Variants in STK35 observed in about 807,000 individuals in gnomAD.
STK35 encodes serine/threonine-protein kinase 35.
Under a neutral mutation model 37.3 loss-of-function variants are expected in STK35, and 17 were observed. That is an observed-to-expected ratio of 0.46 (90% confidence interval 0.31 to 0.68). STK35 has a LOEUF of 0.68. STK35 is among the 30% of genes least tolerant of loss of function. The pLI, the probability that STK35 is intolerant of heterozygous loss-of-function variation, is 0.05. For missense variants in STK35, 595 were observed against 746.7 expected (o/e 0.80, Z 2.37); for synonymous variants, 385 against 319.1 (o/e 1.21, Z -2.20).
At position 2,117,791 on chromosome 20, in the gene STK35, C is replaced by T. The variant is rs1415226647; in HGVS notation, c.*37+376C>T. On this transcript the variant is annotated intron_variant, in intron 3 of 3. Transcript: ENST00000381482. This position sits in a 1 kb window ranked among gnomAD's most constrained non-coding sequence, Gnocchi z 4.4. ...CACTTCTTGGACCGGGTTCTTCATT[C>T]TGGACCCTGGCATGGGCCCTGTGAA... Among the ~76,000 whole-genome samples the T allele has an allele frequency of 6.6e-6, 1 of 152,162 alleles. No homozygotes were observed. The highest frequency in any genetic ancestry group is 1.5e-5 in the Non-Finnish European group (1 of 68,030).
intron 3 of STK35, among the ~76,000 whole-genome samples, chr20:2,137,559 A>G (rs1986107106): frequency 6.6e-6 from 1 of 151,998 alleles, no homozygotes; most frequent in Admixed American, 6.5e-5. Context: ...TCTTTTTCCT[A>G]ACATTTTGCC....
In STK35 at chr20:2,113,599, A is replaced by G. The variant is rs534582631; in HGVS notation, c.893-3067A>G. On this transcript the variant is annotated intron_variant, in intron 2 of 3. Coordinates refer to ENST00000381482, the MANE Select transcript of STK35 (RefSeq NM_080836.4). ...TGTGATGTCTTAGATGGAATAATAC[A>G]CTTTCATTCTAAGATCTAAATTTCA... 7.2e-5 allele frequency among the ~76,000 whole-genome samples: 11 copies of G among 152,320 alleles called. No homozygotes were observed. In the South Asian group the frequency reaches 2.1e-3, roughly 29 times the overall value.
rs1015990080 is a variant in STK35, at chr20:2,102,136, G to A, written c.255G>A (p.Gly85=). ...ACCATCCCCAGGCAGGGGCTCCAGG[G>A]GGGAAACGGGCCGCCCGGAAGTGGA... is the stretch of plus-strand genomic sequence containing the variant. ...GADHPQAGAP[G]GKRAARKWRC... is the part of the protein sequence containing the mutation. The change falls in exon 1 of 4, where the codon GGG becomes GGA. Residue 85 remains glycine, a synonymous_variant. Transcript: ENST00000381482. 2.1e-6 allele frequency: 3 copies of A among 1,397,836 alleles called. No individual in the cohort carries two copies. The highest frequency in any genetic ancestry group is 1.5e-5 in the African/African-American group (1 of 66,032). The allele number at this position is 1,397,836 out of a possible 1,614,324, so 86.6% of individuals were successfully genotyped here.
intron 3 of STK35, among the ~76,000 whole-genome samples, chr20:2,127,298 C>G (rs1169104177): frequency 2.6e-5 from 4 of 151,594 alleles, no homozygotes; most frequent in African/African-American, 9.7e-5. Context: ...TAAGACAAGC[C>G]CTCTCAGAAA....
intron 2 of STK35, among the ~76,000 whole-genome samples, chr20:2,110,467 A>T (rs1985596460): frequency 6.6e-6 from 1 of 152,172 alleles, no homozygotes; most frequent in South Asian, 2.1e-4. Flanking sequence ...ACTGTTACTC[A>T]TTCTCATTCT....
chr20:2,102,957 A>C lies in STK35; in HGVS notation c.484A>C (p.Thr162Pro). ...RRSPVPRAPS[T>P]KLRPAAAARA... ...AAGCCCAGTGCCGCGGGCGCCCAGC[A>C]CGAAGCTGAGGCCGGCGGCGGCGGC... Residue 162 changes from threonine (T) to proline (P), a missense_variant, in exon 2 of 4, where the codon ACG becomes CCG. Physicochemically the swap from Thr to Pro is conservative, Grantham distance 38 (BLOSUM62 -1). This residue lies in a region of STK35 where 389 missense variants were observed against 320.0 expected (regional missense o/e 1.22). Coordinates refer to ENST00000381482, the MANE Select transcript of STK35 (RefSeq NM_080836.4). 1 of 1,473,816 alleles carries C rather than the reference A, an allele frequency of 6.8e-7. No homozygotes were observed. The highest frequency in any genetic ancestry group is 8.9e-7 in the Non-Finnish European group (1 of 1,117,448). 91.3% of individuals were successfully genotyped at this position (1,473,816 alleles called of 1,614,324 possible). A position where few individuals can be genotyped will look rare whatever the true frequency, so the allele number is the denominator to read the frequency against.
chr20:2,129,070 G>T (rs993372391), intron 3 of STK35, among the ~76,000 whole-genome samples: 1 of 152,082 alleles, frequency 6.6e-6, no homozygotes, highest in Admixed American at 6.6e-5. Context: ...TGATCCACCC[G>T]CCTCGGCCTC....
In STK35 at chr20:2,102,902, A is replaced by G. The variant is rs1165995521; in HGVS notation, c.429A>G (p.Arg143=). Residue 143 remains arginine (R), a synonymous_variant, in exon 2 of 4, where the codon AGA becomes AGG. Transcript: ENST00000381482. ...AAACGGGGAAGGACGGCGCCCGCAG[A>G]GGTACACAAAGCCCGGAGCGGAAAA... ...AMETGKDGAR[R]GTQSPERKRR... 6.4e-7 allele frequency: 1 copy of G among 1,564,182 alleles called. No homozygotes were observed. The highest frequency in any genetic ancestry group is 8.6e-7 in the Non-Finnish European group (1 of 1,163,580).
intron 3 of STK35, among the ~76,000 whole-genome samples, chr20:2,129,829 G>T (rs927004323): frequency 6.6e-6 from 1 of 152,082 alleles, no homozygotes; most frequent in African/African-American, 2.4e-5. Context: ...GAGGGAGCCG[G>T]CTGGAGTGCG....
intron 3 of STK35, among the ~76,000 whole-genome samples, chr20:2,121,253 G>A (rs767312516): frequency 6.6e-6 from 1 of 152,228 alleles, no homozygotes. Flanking sequence ...AACGGGATAA[G>A]ATGGGAGGCT....
intron 3 of STK35, among the ~76,000 whole-genome samples, chr20:2,119,631 G>A (rs1985781455): frequency 6.6e-6 from 1 of 152,208 alleles, no homozygotes; most frequent in African/African-American, 2.4e-5. Context: ...TTAAGGATGG[G>A]TATATCTTAT....
intron 3 of STK35, among the ~76,000 whole-genome samples, chr20:2,139,854 T>G (rs1424049295): frequency 6.6e-6 from 1 of 150,792 alleles, no homozygotes; most frequent in Non-Finnish European, 1.5e-5. Context: ...GTCCAAGAGC[T>G]GAAATGAGAA....
chr20:2,133,996 C>G (rs1986042239), intron 3 of STK35, among the ~76,000 whole-genome samples: 1 of 152,112 alleles, frequency 6.6e-6, no homozygotes, highest in Admixed American at 6.5e-5. Flanking sequence ...CCACTTGTTG[C>G]TGCAAGAGTG....
chr20:2,142,312 T>TCCAATATTATC (rs369185215), intron 3 of STK35, among the ~76,000 whole-genome samples: 49,781 of 151,658 alleles, frequency 0.33, 9,706 homozygotes, highest in East Asian at 0.92. Context: ...GACAGTAAAT[T>TCCAATATTATC]ATCCAATATT....
chr20:2,105,390 C>T (rs545883441), intron 2 of STK35, among the ~76,000 whole-genome samples: 15 of 152,306 alleles, frequency 9.8e-5, no homozygotes, highest in Admixed American at 5.2e-4. Context: ...GAACCTTCAA[C>T]CTCAGCTTGA....
chr20:2,128,081 A>G (rs909073107), intron 3 of STK35, among the ~76,000 whole-genome samples: 2 of 152,180 alleles, frequency 1.3e-5, no homozygotes, highest in Non-Finnish European at 1.5e-5. Flanking sequence ...GACCAGCAGC[A>G]TCACCTGGGA....
At chr20:2,129,482 G>C (rs1051217778) in intron 3 of STK35, among the ~76,000 whole-genome samples, 2 of 152,116 alleles carry the variant, frequency 1.3e-5, no homozygotes, top group African/African-American at 4.8e-5. Context: ...CGGAATGTGT[G>C]CAGGCTCATG....
chr20:2,116,637 C>A, intron 2 of STK35, 29 bp from the exon 3 acceptor site: 1 of 1,595,328 alleles, frequency 6.3e-7, no homozygotes, highest in South Asian at 1.1e-5. Context: ...CCATCTCACT[C>A]AAGCTCCTTC....
At chr20:2,105,463 T>C (rs892432598) in intron 2 of STK35, among the ~76,000 whole-genome samples, 8 of 152,318 alleles carry the variant, frequency 5.3e-5, no homozygotes, top group East Asian at 3.9e-4. Context: ...GAAGAATTTG[T>C]CAAAATTCCA....
Sources: gnomAD v4.1 joint callset for allele counts (sites outside exome capture counted in the v4.1 genomes callset) on GRCh38, gnomAD v4.1.1 for gene constraint, gnomAD v4.1.1 regional missense constraint, Gnocchi (gnomAD v3.1) non-coding constraint, MANE v1.5 for transcripts, NCBI Gene and HGNC (gene_info 2026-07-23, HGNC 2026-07-21) for gene names.